The following GPC3 variants were observed in gnomAD, a reference collection of about 807,000 sequenced individuals.
GPC3 encodes glypican-3.
GPC3 carries 3 observed loss-of-function variants against 34.4 expected under a neutral mutation model. The ratio of observed to expected loss-of-function variants is 0.09; its 90% CI spans 0.04 to 0.23. The LOEUF is 0.23. Among genes scored for constraint, GPC3 ranks in the 10% least tolerant of loss-of-function variants. GPC3 has a pLI of 1.00. For synonymous variants in GPC3, 177 were observed against 174.0 expected (o/e 1.02, Z -0.13); for missense variants, 351 against 445.6 (o/e 0.79, Z 1.91).
At chrX:133,655,476 C>CACA (rs1569406868) in intron 6 of GPC3, among the ~76,000 whole-genome samples, 6 of 97,619 alleles carry the variant, frequency 6.1e-5, no homozygotes, top group African/African-American at 2.3e-4. Context: ...CTTCACACAC[C>CACA]CACACACACA....
At chrX:133,814,179 T>C (rs867930871) in intron 2 of GPC3, among the ~76,000 whole-genome samples, 19 of 111,136 alleles carry the variant, frequency 1.7e-4, no homozygotes, top group African/African-American at 6.2e-4. Flanking sequence ...AGTTACCCCA[T>C]GCTAAGAGAA....
intron 7 of GPC3, among the ~76,000 whole-genome samples, chrX:133,588,733 A>C (rs2069817212): frequency 9.0e-6 from 1 of 111,083 alleles, no homozygotes; most frequent in Admixed American, 9.6e-5. Flanking sequence ...ATAAATAAAT[A>C]AATAAAAATA....
chrX:133,631,650 A>G (rs1299576256), intron 6 of GPC3, among the ~76,000 whole-genome samples: 2 of 111,623 alleles, frequency 1.8e-5, no homozygotes, highest in Non-Finnish European at 3.8e-5. Context: ...TTGCTGGATC[A>G]TATGATAATT....
At chrX:133,806,339 A>G (rs767433189) in intron 2 of GPC3, among the ~76,000 whole-genome samples, 1 of 112,139 alleles carries the variant, frequency 8.9e-6, no homozygotes, top group East Asian at 2.8e-4. Flanking sequence ...TTATCTCTAA[A>G]TTAGAATTCT....
intron 6 of GPC3, among the ~76,000 whole-genome samples, chrX:133,624,705 G>A (rs1414250259): frequency 4.5e-5 from 5 of 111,425 alleles, no homozygotes; most frequent in Non-Finnish European, 9.4e-5. Flanking sequence ...GGACCAGAGG[G>A]ATTCACAGCT....
chrX:133,863,960 T>C (rs1051533124), intron 2 of GPC3, among the ~76,000 whole-genome samples: 7 of 111,666 alleles, frequency 6.3e-5, no homozygotes, highest in Admixed American at 2.8e-4. Context: ...CGGCCAAAAA[T>C]ATTCCTAAGA....
intron 6 of GPC3, among the ~76,000 whole-genome samples, chrX:133,615,870 A>T (rs1442220993): frequency 5.4e-5 from 6 of 111,678 alleles, no homozygotes; most frequent in African/African-American, 1.9e-4. Flanking sequence ...TTTGTGATTT[A>T]AAAAAACTCA....
At chrX:133,885,124 C>T (rs1181407542) in intron 2 of GPC3, among the ~76,000 whole-genome samples, 1 of 111,786 alleles carries the variant, frequency 8.9e-6, no homozygotes, top group African/African-American at 3.2e-5. Flanking sequence ...TCCCCCTCTC[C>T]AAGACATTTG....
At chrX:133,825,889 C>T (rs953300832) in intron 2 of GPC3, among the ~76,000 whole-genome samples, 1 of 111,838 alleles carries the variant, frequency 8.9e-6, no homozygotes, top group Non-Finnish European at 1.9e-5. Context: ...AAAATTTGTT[C>T]ATTCCAAGCA....
chrX:133,604,633 T>A (rs5975415), intron 6 of GPC3, among the ~76,000 whole-genome samples: 4,250 of 111,519 alleles, frequency 0.038, 202 homozygotes, highest in African/African-American at 0.13. Flanking sequence ...TTAAAAAAAA[T>A]AAAGGGATAA....
intron 5 of GPC3, among the ~76,000 whole-genome samples, chrX:133,686,727 T>C (rs1275116561): frequency 9.2e-6 from 1 of 108,724 alleles, no homozygotes; most frequent in Non-Finnish European, 1.9e-5. Flanking sequence ...CACTGAATCG[T>C]ATACCCTAAA....
At chrX:133,768,242 C>G (rs913247752) in intron 2 of GPC3, among the ~76,000 whole-genome samples, 3 of 111,229 alleles carry the variant, frequency 2.7e-5, no homozygotes, top group Admixed American at 9.6e-5. Context: ...GAGCATCGAG[C>G]GCCTAAAGTA....
intron 2 of GPC3, among the ~76,000 whole-genome samples, chrX:133,769,026 T>A (rs2071884532): frequency 8.9e-6 from 1 of 111,917 alleles, no homozygotes; most frequent in African/African-American, 3.3e-5. Flanking sequence ...CACTCACATG[T>A]ACACACAATG....
intron 3 of GPC3, among the ~76,000 whole-genome samples, chrX:133,741,860 C>T (rs181055687): frequency 3.3e-4 from 37 of 112,871 alleles, no homozygotes; most frequent in African/African-American, 1.2e-3. Flanking sequence ...GGCCACTTGC[C>T]TGTGGCAGCA....
chrX:133,949,577 G>C (rs780360724), intron 2 of GPC3, among the ~76,000 whole-genome samples: 1 of 111,758 alleles, frequency 8.9e-6, no homozygotes, highest in Non-Finnish European at 1.9e-5. Flanking sequence ...AAAAAACAAG[G>C]TATTGCTGCA....
chrX:133,813,268 G>A (rs1318089085), intron 2 of GPC3, among the ~76,000 whole-genome samples: 1 of 112,568 alleles, frequency 8.9e-6, no homozygotes, highest in East Asian at 2.8e-4. Context: ...GCTTAGCCAT[G>A]CTTCTGTTAG....
chrX:133,769,807 T>C (rs1362300606), intron 2 of GPC3, among the ~76,000 whole-genome samples: 9 of 112,194 alleles, frequency 8.0e-5, no homozygotes, highest in African/African-American at 2.9e-4. Flanking sequence ...ATTCAAAGCT[T>C]AACTGGATTT....
At chrX:133,970,340 T>C (rs1385316831) in intron 1 of GPC3, among the ~76,000 whole-genome samples, 1 of 111,695 alleles carries the variant, frequency 9.0e-6, no homozygotes, top group African/African-American at 3.3e-5. Context: ...GAGGTTCATA[T>C]ATATGTGTGA....
chrX:133,627,099 G>A (rs1203722123), intron 6 of GPC3, among the ~76,000 whole-genome samples: 2 of 98,034 alleles, frequency 2.0e-5, no homozygotes, highest in African/African-American at 7.6e-5. Context: ...TCACTCAAAG[G>A]TGGGAATTTA....
Sources: gnomAD v4.1 joint callset for allele counts (sites outside exome capture counted in the v4.1 genomes callset) on GRCh38, gnomAD v4.1.1 for gene constraint, MANE v1.5 for transcripts, NCBI Gene and HGNC (gene_info 2026-07-23, HGNC 2026-07-21) for gene names.